The following WDHD1 variants were observed in gnomAD, a reference collection of about 807,000 sequenced individuals.
WDHD1 encodes the protein WD repeat and HMG-box DNA binding protein 1, also known as WD repeat and HMG-box DNA-binding protein 1.
WDHD1 carries 111 observed loss-of-function variants against 135.4 expected under a neutral mutation model. The ratio of observed to expected loss-of-function variants is 0.82; its 90% CI spans 0.70 to 0.96. The LOEUF is 0.96. Ranked by LOEUF, WDHD1 falls within the 40% of genes least tolerant of loss-of-function variation. WDHD1 has a pLI of 0.00. For synonymous variants in WDHD1, 434 were observed against 439.0 expected (o/e 0.99, Z 0.14); for missense variants, 1,351 against 1,336.3 (o/e 1.01, Z -0.17).
chr14:54,984,805 T>G lies in WDHD1; in HGVS notation c.1824A>C (p.Lys608Asn). The change falls in exon 15 of 26, where the codon AAA becomes AAC. Residue 608 changes from lysine to asparagine, a missense_variant. Lys to Asn is a moderately conservative substitution (Grantham distance 94). Around this residue, in one of 2 missense-constraint regions of WDHD1, gnomAD observed 1,330 missense variants for 1,296.1 expected, o/e 1.03. Transcript: ENST00000360586. ...CACCATGCAAAATTTGTTTTTTCTTTTTCCCCAGCTCTAGCAGTTGAACTC... is the reference window on the plus strand; with the variant it reads ...CACCATGCAAAATTTGTTTTTTCTTGTTCCCCAGCTCTAGCAGTTGAACTC... ...CLGVQLLELG[K>N]KKKQILHGDP... The G allele has an allele frequency of 6.2e-7, 1 of 1,614,044 alleles. No homozygotes were observed. Among genetic ancestry groups the G allele is most frequent in the Non-Finnish European group, 8.5e-7 (1 of 1,179,970 alleles).
chr14:54,988,485 T>C (rs2041729393), intron 13 of WDHD1, among the ~76,000 whole-genome samples: 1 of 152,120 alleles, frequency 6.6e-6, no homozygotes, highest in South Asian at 2.1e-4. Context: ...GTGGTAGGGG[T>C]TATCTGTGTA....
chr14:55,003,229 G>C (rs769568489), intron 7 of WDHD1, among the ~76,000 whole-genome samples: 3 of 151,994 alleles, frequency 2.0e-5, no homozygotes, highest in Non-Finnish European at 2.9e-5. Context: ...GTTCACATGG[G>C]CTGGGTGTGG....
At chr14:54,947,028 G>A (rs1168649760) in intron 24 of WDHD1, among the ~76,000 whole-genome samples, 1 of 151,164 alleles carries the variant, frequency 6.6e-6, no homozygotes, top group Non-Finnish European at 1.5e-5. Context: ...TGGTGACAGG[G>A]CAAGACTGTC....
chr14:54,973,033 A>C (rs1002106196), intron 16 of WDHD1, among the ~76,000 whole-genome samples: 1 of 122,724 alleles, frequency 8.1e-6, no homozygotes, highest in African/African-American at 4.1e-5. Flanking sequence ...TTAATCACAG[A>C]ATGATTTATA....
chr14:54,956,458 T>C (rs1349331616), intron 23 of WDHD1, among the ~76,000 whole-genome samples: 1 of 151,998 alleles, frequency 6.6e-6, no homozygotes, highest in Non-Finnish European at 1.5e-5. Context: ...GCCATCATGC[T>C]GAAACCCCAT....
intron 16 of WDHD1, among the ~76,000 whole-genome samples, chr14:54,969,588 C>T (rs2041399578): frequency 6.6e-6 from 1 of 151,986 alleles, no homozygotes; most frequent in Non-Finnish European, 1.5e-5. Flanking sequence ...AACCTATCAA[C>T]CAAAAAAAGC....
chr14:55,015,869 TTG>T (rs1377372764), intron 2 of WDHD1, among the ~76,000 whole-genome samples: 2 of 151,974 alleles, frequency 1.3e-5, no homozygotes, highest in African/African-American at 4.8e-5. Flanking sequence ...CAGCTAATCT[TTG>T]TGTTTTTAGT....
chr14:54,989,360 AAT>A, intron 12 of WDHD1, 148 bp from the exon 13 acceptor site: 1 of 550,880 alleles, frequency 1.8e-6, no homozygotes, highest in East Asian at 3.0e-5. Flanking sequence ...TCTATCTCTA[AAT>A]AGTTTCTGAC....
chr14:54,965,223 C>A (rs752924360), intron 18 of WDHD1, among the ~76,000 whole-genome samples: 2 of 152,244 alleles, frequency 1.3e-5, no homozygotes, highest in Non-Finnish European at 2.9e-5. Context: ...TCTCTGCCCT[C>A]TGGGGCATAA....
chr14:55,020,074 T>TGA (rs1305434550), intron 2 of WDHD1, among the ~76,000 whole-genome samples: 1 of 152,202 alleles, frequency 6.6e-6, no homozygotes, highest in East Asian at 1.9e-4. Flanking sequence ...AGGTTCATGG[T>TGA]GAGGCACAAG....
intron 2 of WDHD1, among the ~76,000 whole-genome samples, chr14:55,022,083 C>T (rs2042358818): frequency 6.6e-6 from 1 of 152,154 alleles, no homozygotes; most frequent in Non-Finnish European, 1.5e-5. Flanking sequence ...ACCAGTTTGA[C>T]ACCTTCAGTA....
chr14:54,951,817 G>GA (rs1229806636), intron 24 of WDHD1, among the ~76,000 whole-genome samples: 1 of 152,186 alleles, frequency 6.6e-6, no homozygotes. Context: ...TCATCTCTGG[G>GA]ATGCAAGGCT....
intron 18 of WDHD1, 55 bp from the exon 19 acceptor site, chr14:54,963,227 T>A: frequency 2.9e-6 from 4 of 1,396,982 alleles, no homozygotes; most frequent in South Asian, 1.2e-5. Context: ...TAAAACTTTT[T>A]AAAGATACTG....
At chr14:55,025,599 T>G (rs927258061) in intron 2 of WDHD1, among the ~76,000 whole-genome samples, 17 of 152,340 alleles carry the variant, frequency 1.1e-4, no homozygotes, top group African/African-American at 3.4e-4. Flanking sequence ...ACAAACCTGA[T>G]CACATCTCTC....
At chr14:54,989,003 T>C in intron 13 of WDHD1, 25 bp downstream of exon 13, 1 of 1,594,684 alleles carries the variant, frequency 6.3e-7, no homozygotes, top group South Asian at 1.1e-5. Context: ...CAGTGCCAAA[T>C]TCTTCCTAAT....
intron 14 of WDHD1, among the ~76,000 whole-genome samples, chr14:54,985,568 T>C (rs1191361261): frequency 1.3e-5 from 2 of 152,184 alleles, no homozygotes; most frequent in Non-Finnish European, 2.9e-5. Flanking sequence ...AAGTTTGACT[T>C]TGATTCTAAA....
chr14:54,963,198 G>GGGGGGGA (rs1566714271), intron 18 of WDHD1, 26 bp from the exon 19 acceptor site: 1 of 294,782 alleles, frequency 3.4e-6, no homozygotes, highest in African/African-American at 5.1e-5. Context: ...GGGGGGGGGG[G>GGGGGGGA]AGATCAAATA....
intron 7 of WDHD1, among the ~76,000 whole-genome samples, chr14:55,006,790 A>C (rs2042077527): frequency 6.6e-6 from 1 of 152,234 alleles, no homozygotes; most frequent in Non-Finnish European, 1.5e-5. Context: ...GAATCTTGAA[A>C]AAGTTCAAAT....
chr14:54,962,489 A>G lies in WDHD1; in HGVS notation c.2701+9T>C. On this transcript the variant is annotated intron_variant, in intron 21 of 25. Transcript: ENST00000360586. ...TCCTTGATATTACAAATTTATAAAT[A>G]TTTCTCACCTGACTTAGCTGAAACA... The G allele has an allele frequency of 1.9e-6, 3 of 1,602,774 alleles. No individual in the cohort carries two copies. The highest frequency in any genetic ancestry group is 2.6e-6 in the Non-Finnish European group (3 of 1,171,836).
Sources: gnomAD v4.1 joint callset for allele counts (sites outside exome capture counted in the v4.1 genomes callset) on GRCh38, gnomAD v4.1.1 for gene constraint, gnomAD v4.1.1 regional missense constraint, MANE v1.5 for transcripts, NCBI Gene and HGNC (gene_info 2026-07-23, HGNC 2026-07-21) for gene names.